The following MAF variants were observed in gnomAD, a reference collection of about 807,000 sequenced individuals.
MAF encodes the protein transcription factor Maf.
In MAF, 10 loss-of-function variants were observed where a neutral mutation model predicts 22.0. That is an observed-to-expected ratio of 0.45 (90% CI 0.28 to 0.77). MAF has a LOEUF of 0.77. Among genes scored for constraint, MAF ranks in the 30% least tolerant of loss-of-function variants. The probability of loss-of-function intolerance (pLI) is 0.12; values close to 1 mark genes in which losing one functional copy is unlikely to be tolerated. For missense variants in MAF, 544 were observed against 548.4 expected (o/e 0.99, Z 0.08); for synonymous variants, 337 against 255.8 (o/e 1.32, Z -3.03).
the MAF span, among the ~76,000 whole-genome samples, chr16:79,468,307 C>A: frequency 6.6e-6 from 1 of 152,302 alleles, no homozygotes; most frequent in South Asian, 2.1e-4. Context: ...CTGCCCTGGG[C>A]CGGCCAGACG....
the MAF span, among the ~76,000 whole-genome samples, chr16:79,321,027 C>A: frequency 3.9e-5 from 6 of 152,196 alleles, no homozygotes; most frequent in African/African-American, 1.4e-4. Flanking sequence ...GGAGTCTGAT[C>A]TCGATCTCTT....
At chr16:79,284,798 A>G in the MAF span, among the ~76,000 whole-genome samples, 6 of 152,216 alleles carry the variant, frequency 3.9e-5, no homozygotes, top group African/African-American at 1.2e-4. Context: ...CCTGAGAACA[A>G]ACTTCAAGTG....
intron 1 of MAF, among the ~76,000 whole-genome samples, chr16:79,588,820 A>G (rs1913018933): frequency 6.6e-6 from 1 of 152,182 alleles, no homozygotes; most frequent in African/African-American, 2.4e-5. Flanking sequence ...CCAGGAAAAA[A>G]TAAATGAATA....
At chr16:79,502,697 A>T in the MAF span, among the ~76,000 whole-genome samples, 3 of 19,608 alleles carry the variant, frequency 1.5e-4, no homozygotes, top group South Asian at 5.2e-3. Flanking sequence ...ATAAATATAA[A>T]TATAAATATA....
At chr16:79,354,557 T>G in the MAF span, among the ~76,000 whole-genome samples, 55 of 152,196 alleles carry the variant, frequency 3.6e-4, no homozygotes, top group African/African-American at 1.3e-3. Flanking sequence ...AAGAGAGAAG[T>G]AGAGAAGGTG....
chr16:79,581,639 G>C (rs1018811308), downstream of MAF, among the ~76,000 whole-genome samples: 1 of 151,976 alleles, frequency 6.6e-6, no homozygotes, highest in Non-Finnish European at 1.5e-5. Context: ...AATAGACTGA[G>C]AGGACTAAAA....
At chr16:79,588,124 G>A (rs988976457) in intron 1 of MAF, among the ~76,000 whole-genome samples, 1 of 152,164 alleles carries the variant, frequency 6.6e-6, no homozygotes, top group African/African-American at 2.4e-5. Flanking sequence ...AATAGTACAG[G>A]AGCATGCACT....
the MAF span, among the ~76,000 whole-genome samples, chr16:79,227,298 C>T: frequency 6.6e-6 from 1 of 152,038 alleles, no homozygotes; most frequent in East Asian, 1.9e-4. Flanking sequence ...CTGCAGTGAG[C>T]CTTGATTGTG....
intron 1 of MAF, among the ~76,000 whole-genome samples, chr16:79,588,384 G>T (rs1912985500): frequency 6.6e-6 from 1 of 152,096 alleles, no homozygotes; most frequent in African/African-American, 2.4e-5. Flanking sequence ...TCTGCCTTTC[G>T]GATCATTTTT....
chr16:79,497,368 C>T, the MAF span, among the ~76,000 whole-genome samples: 1 of 152,184 alleles, frequency 6.6e-6, no homozygotes, highest in Non-Finnish European at 1.5e-5. Context: ...CCCCTCAACT[C>T]TCCTCACCCC....
the MAF span, among the ~76,000 whole-genome samples, chr16:79,210,466 G>A: frequency 6.6e-5 from 10 of 152,214 alleles, no homozygotes; most frequent in East Asian, 5.8e-4. Flanking sequence ...GCTTTGGGTC[G>A]GGTCGGAAAG....
the MAF span, among the ~76,000 whole-genome samples, chr16:79,312,058 C>T: frequency 2.0e-5 from 3 of 152,140 alleles, no homozygotes; most frequent in African/African-American, 7.2e-5. Context: ...TTTCACTCTG[C>T]TTTCTTCTCT....
At chr16:79,221,663 G>A in the MAF span, among the ~76,000 whole-genome samples, 1 of 152,154 alleles carries the variant, frequency 6.6e-6, no homozygotes, top group African/African-American at 2.4e-5. Context: ...CAGCTGATAA[G>A]AGTGTATGTG....
the MAF span, among the ~76,000 whole-genome samples, chr16:79,462,866 C>T: frequency 3.3e-5 from 5 of 152,106 alleles, no homozygotes; most frequent in East Asian, 1.9e-4. Flanking sequence ...TGTATTTTTA[C>T]GGGGGAAATA....
downstream of MAF, among the ~76,000 whole-genome samples, chr16:79,582,337 C>G (rs1912571493): frequency 6.6e-6 from 1 of 152,164 alleles, no homozygotes; most frequent in Non-Finnish European, 1.5e-5. Context: ...AATGAAAGCT[C>G]TACAGAAGCA....
the MAF span, among the ~76,000 whole-genome samples, chr16:79,517,074 C>T: frequency 6.6e-6 from 1 of 152,032 alleles, no homozygotes; most frequent in South Asian, 2.1e-4. Context: ...TTTGTCTTGG[C>T]TGTCTGTTTT....
chr16:79,399,680 G>A, the MAF span, among the ~76,000 whole-genome samples: 2 of 152,254 alleles, frequency 1.3e-5, no homozygotes, highest in African/African-American at 4.8e-5. Context: ...GAGCCCTTGA[G>A]CTAAGAAACA....
chr16:79,344,044 G>T, the MAF span, among the ~76,000 whole-genome samples: 3 of 152,208 alleles, frequency 2.0e-5, no homozygotes, highest in Admixed American at 1.3e-4. Flanking sequence ...GCATTCAAAA[G>T]AAACTCTGTG....
the MAF span, among the ~76,000 whole-genome samples, chr16:79,308,618 A>G: frequency 6.6e-6 from 1 of 152,224 alleles, no homozygotes; most frequent in Admixed American, 6.5e-5. Context: ...GTCCGTCAAC[A>G]TCTCAAAATA....
Sources: allele counts gnomAD v4.1 joint callset (sites outside exome capture counted in the v4.1 genomes callset), GRCh38; gene constraint gnomAD v4.1.1; transcripts MANE v1.5; gene names NCBI Gene and HGNC (gene_info 2026-07-23, HGNC 2026-07-21).